Variants in RNF213 observed in about 807,000 individuals in gnomAD.
RNF213 encodes ring finger protein 213.
A neutral mutation model predicts 514.4 loss-of-function variants in RNF213; 341 were observed. That is an observed-to-expected ratio of 0.66 (90% CI 0.61 to 0.73). RNF213 has a LOEUF of 0.73. RNF213 is among the 30% of genes least tolerant of loss of function. The probability of loss-of-function intolerance (pLI) is 0.00; values close to 1 mark genes in which losing one functional copy is unlikely to be tolerated. For missense variants in RNF213, 5,767 were observed against 6,615.6 expected (o/e 0.87, Z 4.45); for synonymous variants, 2,655 against 2,658.2 (o/e 1.00, Z 0.04).
At chr17:80,393,258 C>T in intron 67 of RNF213, 87 bp from the exon 68 acceptor site, 1 of 1,098,616 alleles carries the variant, frequency 9.1e-7, no homozygotes, top group South Asian at 1.2e-5. Flanking sequence ...TGGGCTTACA[C>T]ACGTGAGCCA....
At chr17:80,387,699 A>T (rs1291964242) in intron 63 of RNF213, among the ~76,000 whole-genome samples, 1 of 152,184 alleles carries the variant, frequency 6.6e-6, no homozygotes, top group Non-Finnish European at 1.5e-5. Context: ...ATATGGGATA[A>T]AGCCGACACT....
intron 26 of RNF213, chr17:80,341,448 A>C (rs2078153186): frequency 6.6e-6 from 1 of 151,742 alleles, no homozygotes; most frequent in Non-Finnish European, 1.5e-5. Flanking sequence ...GATAAACATT[A>C]CTCTTCCCCT....
chr17:80,353,322 C>A lies in RNF213; in HGVS notation c.10424-190C>A. 1 of 807,316 alleles carries A rather than the reference C, an allele frequency of 1.2e-6. No homozygotes were observed. 50.0% of individuals were successfully genotyped at this position (807,316 alleles called of 1,614,324 possible). ...CACCTAGAACACGCCAGAGCCCAGG[C>A]TGGAAGGAAGGGGCTGCCTTGGGGG... On this transcript the variant is annotated intron_variant, in intron 33 of 67. Transcript: ENST00000582970. This position sits in a 1 kb window ranked among gnomAD's most constrained non-coding sequence, Gnocchi z 5.0.
chr17:80,289,553 G>A lies in RNF213; in HGVS notation c.934-106G>A, dbSNP rs984844702. The A allele has an allele frequency of 4.4e-5, 54 of 1,232,700 alleles. No individual in the cohort carries two copies. In the Middle Eastern group the frequency reaches 7.7e-4, roughly 18 times the overall value. The allele number at this position is 1,232,700 out of a possible 1,614,324, so 76.4% of individuals were successfully genotyped here. On this transcript the variant is annotated intron_variant, in intron 5 of 67. Coordinates refer to ENST00000582970, the MANE Select transcript of RNF213 (RefSeq NM_001256071.3). ...TGCAGTGAGCTGAGATCGCAGTACT[G>A]CACTCCAGCCTTGGTAATAAGAGCG... is the stretch of plus-strand genomic sequence containing the variant.
chr17:80,312,435 C>T (rs932112913), intron 14 of RNF213, among the ~76,000 whole-genome samples: 28 of 149,430 alleles, frequency 1.9e-4, no homozygotes, highest in Admixed American at 8.0e-4. Flanking sequence ...GGTTTACCTC[C>T]GGGTCAGGAG....
rs2044644938 is a variant in RNF213, at chr17:80,290,285, G to A, written c.1113-285G>A. Among the ~76,000 whole-genome samples the A allele has an allele frequency of 1.3e-5, 2 of 152,230 alleles. 1 individual carries two copies. The highest frequency in any genetic ancestry group is 4.1e-4 in the South Asian group (2 of 4,836). ...TGCATTACGAACACAAGGACCATGT[G>A]CCTGTGTGTGTGCATGTGGGTGTGT... On this transcript the variant is annotated intron_variant, in intron 6 of 67. Coordinates refer to ENST00000582970, the MANE Select transcript of RNF213 (RefSeq NM_001256071.3).
At position 80,264,029 on chromosome 17, in the gene RNF213, G is replaced by T. The variant is rs953749505; in HGVS notation, c.97+251G>T. Among the ~76,000 whole-genome samples, 1 of 152,140 alleles carries T rather than the reference G, an allele frequency of 6.6e-6. No homozygotes were observed. Among genetic ancestry groups the T allele is most frequent in the Non-Finnish European group, 1.5e-5 (1 of 68,006 alleles). On this transcript the variant is annotated intron_variant, in intron 2 of 67. Transcript: ENST00000582970. This position sits in a 1 kb window ranked among gnomAD's most constrained non-coding sequence, Gnocchi z 5.0. ...CCACCACCCAGTGCTTCCGTCCCTC[G>T]TTCAGGCCCGGCCTGAGTGAGCCCA...
intron 2 of RNF213, among the ~76,000 whole-genome samples, chr17:80,265,069 GT>G (rs1196236534): frequency 2.0e-5 from 3 of 146,526 alleles, no homozygotes; most frequent in Admixed American, 1.3e-4. Context: ...TTTAGAGGGA[GT>G]TTTTTTGTTC....
chr17:80,359,742 G>A (rs1294469688), intron 37 of RNF213, among the ~76,000 whole-genome samples: 1 of 152,204 alleles, frequency 6.6e-6, no homozygotes. Context: ...GTTGTGCTCT[G>A]TGTTACAAGT....
chr17:80,364,381 G>T (rs1329099738), intron 41 of RNF213, 52 bp from the exon 42 acceptor site: 1 of 1,613,082 alleles, frequency 6.2e-7, no homozygotes, highest in Non-Finnish European at 8.5e-7. Context: ...TTCACCCTTG[G>T]GTTCCTTGGT....
In RNF213 at chr17:80,343,890, C is replaced by G. The variant is rs752784235; in HGVS notation, c.6217C>G (p.Leu2073Val). ...TGGAATTTGGGTGTTTCTTTTCAAG[C>G]TCCTCATTTTACAATACTTAATGGA... ...QTGIWVFLFKLLILQYLMDIN... is the reference protein window; with the variant it reads ...QTGIWVFLFKVLILQYLMDIN... Residue 2073 changes from leucine (L) to valine (V), a missense_variant, in exon 28 of 68, where the codon CTC (leucine) becomes GTC (valine). This residue lies in a region of RNF213 where 1,377 missense variants were observed against 1,635.2 expected (regional missense o/e 0.84). Transcript: ENST00000582970. This position sits in a 1 kb window ranked among gnomAD's most constrained non-coding sequence, Gnocchi z 4.3. 6.2e-7 allele frequency: 1 copy of G among 1,614,214 alleles called. No individual in the cohort carries two copies. The highest frequency in any genetic ancestry group is 8.5e-7 in the Non-Finnish European group (1 of 1,180,032).
Position 80,371,864 on chromosome 17 carries a change from C to G in RNF213, c.12426-10C>G. ...TGAGAGAACCAGGAATAATATTTCT[C>G]TTTCTGCAGCTTTCATGATGTAAAA... On this transcript the variant is annotated splice_polypyrimidine_tract_variant and intron_variant, in intron 46 of 67. Coordinates refer to ENST00000582970, the MANE Select transcript of RNF213 (RefSeq NM_001256071.3). The G allele has an allele frequency of 7.5e-7, 1 of 1,325,466 alleles. No homozygotes were observed. Among genetic ancestry groups the G allele is most frequent in the Non-Finnish European group, 1.1e-6 (1 of 918,038 alleles). 82.1% of individuals were successfully genotyped at this position (1,325,466 alleles called of 1,614,324 possible).
chr17:80,364,368 C>A (rs2079173926), intron 41 of RNF213, 65 bp from the exon 42 acceptor site: 2 of 1,611,210 alleles, frequency 1.2e-6, no homozygotes, highest in South Asian at 1.1e-5. Flanking sequence ...TCTCCCTCCT[C>A]GTTTCACCCT....
intron 47 of RNF213, 57 bp from the exon 48 acceptor site, chr17:80,372,464 G>C: frequency 3.2e-6 from 4 of 1,265,082 alleles, no homozygotes; most frequent in Non-Finnish European, 4.5e-6. Context: ...GTAGAAGCTT[G>C]GGGCATCCAT....
At chr17:80,309,205 G>C in intron 14 of RNF213, 34 bp downstream of exon 14, 1 of 1,613,516 alleles carries the variant, frequency 6.2e-7, no homozygotes, top group Non-Finnish European at 8.5e-7. Context: ...TATCACACCC[G>C]GGATAGGTGC....
In RNF213 at chr17:80,336,206, C is replaced by T. The variant is rs529200219; in HGVS notation, c.4355C>T (p.Ala1452Val). ...KVFVDLASIS[A>V]GENDIDVDRV... is the part of the protein sequence containing the mutation. ...TTTGTGGACCTGGCCTCCATCTCAG[C>T]GGGGGAGAATGACATTGATGTGGAC... Residue 1452 changes from alanine (A) to valine (V), a missense_variant, in exon 23 of 68, where the codon GCG becomes GTG. Ala to Val is a moderately conservative substitution (Grantham distance 64, BLOSUM62 0). Coordinates refer to ENST00000582970, the MANE Select transcript of RNF213 (RefSeq NM_001256071.3). The T allele has an allele frequency of 1.4e-5, 22 of 1,537,170 alleles. No individual in the cohort carries two copies. The highest frequency in any genetic ancestry group is 1.8e-5 in the Non-Finnish European group (21 of 1,146,904).
In RNF213 at chr17:80,353,240, G is replaced by T; in HGVS notation, c.10423+181G>T. On this transcript the variant is annotated intron_variant, in intron 33 of 67. Transcript: ENST00000582970. The surrounding 1 kb of genome is among the most constrained non-coding windows in gnomAD (Gnocchi z 5.0). The stretch of plus-strand genomic sequence containing the variant: ...ATCATAGAGCACCAGGGCCGAGCAG[G>T]TGCGCTTACCACAGGCTGAGGTAGA... The T allele has an allele frequency of 4.5e-6, 4 of 894,590 alleles. No individual in the cohort carries two copies. Among genetic ancestry groups the T allele is most frequent in the Non-Finnish European group, 7.0e-6 (4 of 575,392 alleles). The allele number at this position is 894,590 out of a possible 1,614,324, so 55.4% of individuals were successfully genotyped here.
chr17:80,355,098 C>A, intron 36 of RNF213: 1 of 427,028 alleles, frequency 2.3e-6, no homozygotes, highest in South Asian at 1.7e-5. Flanking sequence ...GTGCTCTGGG[C>A]CCCAGACAGA....
At position 80,369,951 on chromosome 17, in the gene RNF213, G is replaced by C. The variant is rs188167719; in HGVS notation, c.12425+84G>C. The C allele has an allele frequency of 1.2e-3, 1,071 of 926,420 alleles. 5 individuals are homozygous for C. The highest frequency in any genetic ancestry group is 4.7e-3 in the African/African-American group (293 of 61,984). The allele number at this position is 926,420 out of a possible 1,614,324, so 57.4% of individuals were successfully genotyped here. On this transcript the variant is annotated intron_variant, in intron 46 of 67. Coordinates refer to ENST00000582970, the MANE Select transcript of RNF213 (RefSeq NM_001256071.3). Reference sequence around the variant, plus strand: ...CGTTTTGTTACCAAGTCTTCTTGTCGTGACTAGTAGCTAGTACATGATCTT... The same window carrying C: ...CGTTTTGTTACCAAGTCTTCTTGTCCTGACTAGTAGCTAGTACATGATCTT...
Sources: allele counts gnomAD v4.1 joint callset (sites outside exome capture counted in the v4.1 genomes callset), GRCh38; gene constraint gnomAD v4.1.1; regional missense constraint gnomAD v4.1.1; non-coding constraint Gnocchi (gnomAD v3.1); transcripts MANE v1.5; gene names NCBI Gene and HGNC (gene_info 2026-07-23, HGNC 2026-07-21).